Variants in PITPNC1 observed in about 807,000 individuals in gnomAD.
The protein encoded by PITPNC1 is phosphatidylinositol transfer protein cytoplasmic 1.
Under a neutral mutation model 44.7 loss-of-function variants are expected in PITPNC1, and 18 were observed. The observed-to-expected ratio is 0.40, with a 90% CI of 0.28 to 0.60. The LOEUF is 0.60. Ranked by LOEUF, PITPNC1 falls within the 20% of genes least tolerant of loss-of-function variation. PITPNC1 has a pLI of 0.39. For missense variants in PITPNC1, 290 were observed against 418.4 expected, an observed-to-expected ratio of 0.69 and a Z score of 2.68; for synonymous variants, 141 against 149.6, an observed-to-expected ratio of 0.94 and a Z score of 0.42.
At chr17:67,484,496 A>G (rs949535199) in intron 1 of PITPNC1, among the ~76,000 whole-genome samples, 2 of 152,194 alleles carry the variant, frequency 1.3e-5, no homozygotes, top group African/African-American at 2.4e-5. Flanking sequence ...GGCTTCTGTC[A>G]TTGTTAATTT....
At chr17:67,446,652 G>C (rs1567993069) in intron 1 of PITPNC1, among the ~76,000 whole-genome samples, 1 of 151,776 alleles carries the variant, frequency 6.6e-6, no homozygotes, top group Non-Finnish European at 1.5e-5. Context: ...GACTATTTGT[G>C]CAGGTTTCAA....
chr17:67,557,265 C>T (rs138143092), intron 4 of PITPNC1, among the ~76,000 whole-genome samples: 27 of 152,294 alleles, frequency 1.8e-4, no homozygotes, highest in South Asian at 1.0e-3. Flanking sequence ...GCCCCACCCT[C>T]GTGACCTCAT....
intron 1 of PITPNC1, among the ~76,000 whole-genome samples, chr17:67,479,619 A>G (rs1384334384): frequency 2.0e-5 from 3 of 152,178 alleles, no homozygotes; most frequent in Admixed American, 6.5e-5. Context: ...CAAAGGACAA[A>G]CGGGTAGAAT....
chr17:67,485,943 G>C (rs1356882442), intron 1 of PITPNC1, among the ~76,000 whole-genome samples: 1 of 152,112 alleles, frequency 6.6e-6, no homozygotes, highest in African/African-American at 2.4e-5. Flanking sequence ...CTCTGCAAAT[G>C]TTACCCTAAC....
intron 5 of PITPNC1, among the ~76,000 whole-genome samples, chr17:67,594,446 G>C (rs1438861977): frequency 1.3e-5 from 2 of 152,136 alleles, no homozygotes; most frequent in African/African-American, 2.4e-5. Flanking sequence ...TCACCACCCA[G>C]AGGCATCCTC....
At chr17:67,561,528 A>G (rs1175225060) in intron 4 of PITPNC1, among the ~76,000 whole-genome samples, 1 of 151,976 alleles carries the variant, frequency 6.6e-6, no homozygotes, top group Non-Finnish European at 1.5e-5. Context: ...AATGTGAACT[A>G]CACGATAGTG....
chr17:67,442,293 A>G (rs895795826), intron 1 of PITPNC1, among the ~76,000 whole-genome samples: 1 of 139,228 alleles, frequency 7.2e-6, no homozygotes, highest in Non-Finnish European at 1.6e-5. Flanking sequence ...GGAAAAGTTA[A>G]TGAAGCTCTA....
At chr17:67,424,877 G>A (rs1207892797) in intron 1 of PITPNC1, among the ~76,000 whole-genome samples, 1 of 151,944 alleles carries the variant, frequency 6.6e-6, no homozygotes, top group Non-Finnish European at 1.5e-5. Context: ...ATGGCCTGAA[G>A]CAACTGAAGA....
rs139637874 is a variant in PITPNC1, at chr17:67,663,039, C to T, written c.463-6469C>T. On this transcript the variant is annotated intron_variant, in intron 6 of 8. Transcript: ENST00000581322. ...GGTAGAATGATTTCTTTTCTTTGGG[C>T]ATATACCCAATAATGGGGTTGCTGG... 3.0e-3 allele frequency among the ~76,000 whole-genome samples: 464 copies of T among 152,246 alleles called. 4 individuals carry two copies. Among genetic ancestry groups the T allele is most frequent in the African/African-American group, 0.011 (439 of 41,528 alleles).
chr17:67,599,009 T>C (rs867868398), intron 5 of PITPNC1, among the ~76,000 whole-genome samples: 1 of 22,846 alleles, frequency 4.4e-5, no homozygotes, highest in East Asian at 1.7e-3. Flanking sequence ...TACATATATA[T>C]ATATATATAT....
intron 6 of PITPNC1, among the ~76,000 whole-genome samples, chr17:67,646,533 T>C (rs2042151679): frequency 6.6e-6 from 1 of 152,104 alleles, no homozygotes; most frequent in Non-Finnish European, 1.5e-5. Context: ...TTGAGAAAAA[T>C]AAATTCCACC....
intron 1 of PITPNC1, among the ~76,000 whole-genome samples, chr17:67,502,970 T>C (rs1486312827): frequency 6.6e-6 from 1 of 152,054 alleles, no homozygotes; most frequent in East Asian, 1.9e-4. Flanking sequence ...CTAATTTTTG[T>C]ATTTCAGTAG....
At chr17:67,563,681 A>G (rs1173426410) in intron 4 of PITPNC1, among the ~76,000 whole-genome samples, 1 of 152,220 alleles carries the variant, frequency 6.6e-6, no homozygotes, top group Non-Finnish European at 1.5e-5. Flanking sequence ...TTTGAAAACT[A>G]CTGAACTGTA....
intron 7 of PITPNC1, among the ~76,000 whole-genome samples, chr17:67,672,065 G>A (rs776170316): frequency 1.3e-5 from 2 of 151,906 alleles, no homozygotes; most frequent in Non-Finnish European, 2.9e-5. Context: ...CTCCTGAGTA[G>A]CTGAGGCACA....
chr17:67,636,441 G>A (rs190126424), intron 6 of PITPNC1, among the ~76,000 whole-genome samples: 48 of 152,234 alleles, frequency 3.2e-4, no homozygotes, highest in African/African-American at 1.0e-3. Flanking sequence ...GGAGTCTTAC[G>A]GTTACTAAAT....
intron 1 of PITPNC1, among the ~76,000 whole-genome samples, chr17:67,526,718 G>T (rs1030227620): frequency 6.6e-6 from 1 of 151,446 alleles, no homozygotes; most frequent in African/African-American, 2.4e-5. Flanking sequence ...GCGACAGAGA[G>T]CGAGACTCCA....
At chr17:67,641,595 C>G (rs1319272484) in intron 6 of PITPNC1, among the ~76,000 whole-genome samples, 2 of 151,902 alleles carry the variant, frequency 1.3e-5, no homozygotes, top group Non-Finnish European at 2.9e-5. Flanking sequence ...TCAGAAGTTC[C>G]AGACCCACCT....
intron 2 of PITPNC1, among the ~76,000 whole-genome samples, chr17:67,541,472 C>CAT (rs2040607238): frequency 6.7e-6 from 1 of 148,224 alleles, no homozygotes; most frequent in African/African-American, 2.6e-5. Context: ...TATACATACA[C>CAT]ACACACACAC....
intron 1 of PITPNC1, among the ~76,000 whole-genome samples, chr17:67,385,745 CG>C (rs1372433482): frequency 3.1e-5 from 1 of 32,760 alleles, no homozygotes; most frequent in African/African-American, 1.0e-4. Flanking sequence ...GGCAAAGCTC[CG>C]GTTTTTTTTT....
Sources: gnomAD v4.1 joint callset for allele counts (sites outside exome capture counted in the v4.1 genomes callset) on GRCh38, gnomAD v4.1.1 for gene constraint, MANE v1.5 for transcripts, NCBI Gene and HGNC (gene_info 2026-07-23, HGNC 2026-07-21) for gene names.